WDFY3: variants seen among roughly 807,000 people sequenced by gnomAD.
WDFY3 encodes WD repeat and FYVE domain-containing protein 3.
Under a neutral mutation model 409.6 loss-of-function variants are expected in WDFY3, and 66 were observed. The observed-to-expected ratio is 0.16, with a 90% confidence interval of 0.13 to 0.20. The LOEUF is 0.20. Among genes scored for constraint, WDFY3 ranks in the 10% least tolerant of loss-of-function variants. WDFY3 has a pLI of 1.00. For synonymous variants in WDFY3, 1,521 were observed against 1,537.1 expected, an observed-to-expected ratio of 0.99 and a Z score of 0.25; for missense variants, 3,031 against 4,298.1, an observed-to-expected ratio of 0.71 and a Z score of 8.24.
chr4:84,767,326 T>C (rs549872970), intron 30 of WDFY3, among the ~76,000 whole-genome samples: 1 of 152,226 alleles, frequency 6.6e-6, no homozygotes, highest in East Asian at 1.9e-4. Flanking sequence ...CGACTGGCCA[T>C]TTACCCATCT....
chr4:84,844,039 T>G (rs1370153645), intron 5 of WDFY3, among the ~76,000 whole-genome samples: 1 of 152,174 alleles, frequency 6.6e-6, no homozygotes, highest in African/African-American at 2.4e-5. Flanking sequence ...ATACATATAG[T>G]TAGAATGAAA....
chr4:84,839,898 C>T (rs1396700408), intron 6 of WDFY3, among the ~76,000 whole-genome samples: 3 of 151,866 alleles, frequency 2.0e-5, no homozygotes, highest in Non-Finnish European at 4.4e-5. Flanking sequence ...AGAAAAAACA[C>T]AGCAAACAAA....
At chr4:84,736,081 A>T in intron 42 of WDFY3, 89 bp downstream of exon 42, 1 of 1,389,244 alleles carries the variant, frequency 7.2e-7, no homozygotes, top group South Asian at 1.8e-5. Context: ...AAATACAGAA[A>T]AGTTTCATTT....
chr4:84,806,149 T>C (rs1196791162), intron 15 of WDFY3, among the ~76,000 whole-genome samples: 3 of 152,210 alleles, frequency 2.0e-5, no homozygotes, highest in Admixed American at 1.3e-4. Context: ...AAGATGTCTA[T>C]AAGCTGATGT....
At chr4:84,925,828 CCTCT>C (rs756774738) in intron 2 of WDFY3, among the ~76,000 whole-genome samples, 2 of 151,892 alleles carry the variant, frequency 1.3e-5, no homozygotes, top group African/African-American at 4.8e-5. Flanking sequence ...GTGCCACACC[CCTCT>C]CTAAAATGTA....
At chr4:84,865,569 G>T (rs1334351091) in intron 3 of WDFY3, among the ~76,000 whole-genome samples, 1 of 152,192 alleles carries the variant, frequency 6.6e-6, no homozygotes, top group Admixed American at 6.5e-5. Flanking sequence ...GGTCAGTTTA[G>T]CCAGAAGCCG....
rs9884622 is a variant in WDFY3, at chr4:84,745,722, C to T, written c.5974-1923G>A. The stretch of plus-strand genomic sequence containing the variant: ...TAATTTGGGAAAAAGTGAAGAACAT[C>T]TCATGTTTTTATCTTTATAAATTTT... On this transcript the variant is annotated intron_variant, in intron 36 of 67. Coordinates refer to ENST00000295888, the MANE Select transcript of WDFY3 (RefSeq NM_014991.6). 1.6e-4 allele frequency among the ~76,000 whole-genome samples: 25 copies of T among 152,202 alleles called. No homozygotes were observed. The East Asian group carries it at 4.7e-3, about 28-fold the overall frequency.
chr4:84,742,300 A>G (rs181710444), intron 37 of WDFY3, among the ~76,000 whole-genome samples: 2 of 152,360 alleles, frequency 1.3e-5, no homozygotes, highest in East Asian at 3.9e-4. Flanking sequence ...CTGTGAAACA[A>G]AACTCTGTTT....
At position 84,716,934 on chromosome 4, in the gene WDFY3, C is replaced by T. The variant is rs1734045259; in HGVS notation, c.7837G>A (p.Asp2613Asn). 1.2e-6 allele frequency: 2 copies of T among 1,606,894 alleles called. No individual in the cohort carries two copies. Among genetic ancestry groups the T allele is most frequent in the Non-Finnish European group, 1.7e-6 (2 of 1,176,338 alleles). ...KRTCSIFAYE[D>N]IKEVHKRRYL... The stretch of plus-strand genomic sequence containing the variant: ...CTCCTTTTATGAACTTCCTTGATAT[C>T]TTCATATGCAAAAATGCTGCATGTT... The change falls in exon 49 of 68, where the codon GAT becomes AAT. Residue 2613 changes from aspartate (D) to asparagine (N), a missense_variant. By Grantham distance (23) the Asp-to-Asn change is conservative (BLOSUM62 1). This residue lies in a region of WDFY3 where 45 missense variants were observed against 121.8 expected (regional missense o/e 0.37). Transcript: ENST00000295888.
chr4:84,728,649 C>G (rs1356009711), intron 44 of WDFY3, among the ~76,000 whole-genome samples: 1 of 152,066 alleles, frequency 6.6e-6, no homozygotes, highest in Non-Finnish European at 1.5e-5. Context: ...ATACTCCCAG[C>G]CAGGATGTAG....
intron 17 of WDFY3, among the ~76,000 whole-genome samples, chr4:84,801,126 C>T (rs1750475439): frequency 6.6e-6 from 1 of 152,136 alleles, no homozygotes; most frequent in Non-Finnish European, 1.5e-5. Context: ...GTGGTGATTA[C>T]ATGAATCTAC....
intron 36 of WDFY3, among the ~76,000 whole-genome samples, chr4:84,750,804 T>C (rs907347713): frequency 1.2e-4 from 18 of 152,274 alleles, no homozygotes; most frequent in Admixed American, 2.0e-4. Context: ...GATGCATCAG[T>C]TGATTCATAT....
At chr4:84,748,120 T>C (rs1208616211) in intron 36 of WDFY3, among the ~76,000 whole-genome samples, 1 of 152,120 alleles carries the variant, frequency 6.6e-6, no homozygotes, top group African/African-American at 2.4e-5. Context: ...AGCAAATTCA[T>C]TTGGCTCTTC....
intron 1 of WDFY3, among the ~76,000 whole-genome samples, chr4:84,951,112 T>C (rs1773554950): frequency 6.6e-6 from 1 of 152,234 alleles, no homozygotes. Flanking sequence ...ATTCTAATTT[T>C]ATATTCCTAT....
At chr4:84,942,036 A>C (rs1443034793) in intron 1 of WDFY3, among the ~76,000 whole-genome samples, 1 of 152,132 alleles carries the variant, frequency 6.6e-6, no homozygotes, top group African/African-American at 2.4e-5. Flanking sequence ...CACACTATAT[A>C]CAAAATTTAA....
chr4:84,773,719 ATTTT>A (rs1304867922), intron 29 of WDFY3, among the ~76,000 whole-genome samples: 1 of 152,110 alleles, frequency 6.6e-6, no homozygotes, highest in African/African-American at 2.4e-5. Flanking sequence ...CTGCCACCAG[ATTTT>A]TTGTTTGTTT....
chr4:84,950,960 C>T (rs78051182), intron 1 of WDFY3, among the ~76,000 whole-genome samples: 2,063 of 152,242 alleles, frequency 0.014, 53 homozygotes, highest in African/African-American at 0.043. Flanking sequence ...CCTAAGGAGA[C>T]AAAGTGTAAT....
chr4:84,686,334 AC>A (rs989634309), intron 62 of WDFY3, among the ~76,000 whole-genome samples: 1 of 151,350 alleles, frequency 6.6e-6, no homozygotes, highest in African/African-American at 2.4e-5. Flanking sequence ...AATAAATAAA[AC>A]CCCAAAAAAC....
rs186950968 is a variant in WDFY3 at position 84,847,996 on chromosome 4, A to G, written c.304+1906T>C. On this transcript the variant is annotated intron_variant, in intron 5 of 67. Transcript: ENST00000295888. ...TGAGGAGTTCTCTTAGCAAGTAGTC[A>G]AAACACAAAGATAGAAAATGAGAAG... Among the ~76,000 whole-genome samples the G allele has an allele frequency of 3.4e-3, 517 of 151,878 alleles. 6 individuals are homozygous for G. The highest frequency in any genetic ancestry group is 1.5e-3 in the Non-Finnish European group (101 of 67,930).
Sources: gnomAD v4.1 joint callset for allele counts (sites outside exome capture counted in the v4.1 genomes callset) on GRCh38, gnomAD v4.1.1 for gene constraint, gnomAD v4.1.1 regional missense constraint, MANE v1.5 for transcripts, NCBI Gene and HGNC (gene_info 2026-07-23, HGNC 2026-07-21) for gene names.